Variants in TRMT61B observed in about 807,000 individuals in gnomAD.
TRMT61B encodes the protein tRNA methyltransferase 61B, also known as tRNA (adenine(58)-N(1))-methyltransferase, mitochondrial.
In TRMT61B, 56 loss-of-function variants were observed where a neutral mutation model predicts 52.0. The observed-to-expected ratio is 1.08, with a 90% CI of 0.87 to 1.35. The LOEUF is 1.35. Among genes scored for constraint, TRMT61B ranks in the 40% most tolerant of loss-of-function variants. The probability of loss-of-function intolerance (pLI) is 0.00; values close to 1 mark genes in which losing one functional copy is unlikely to be tolerated. For synonymous variants in TRMT61B, 206 were observed against 220.0 expected (o/e 0.94, Z 0.56); for missense variants, 650 against 577.9 (o/e 1.12, Z -1.28).
intron 3 of TRMT61B, among the ~76,000 whole-genome samples, chr2:28,855,948 G>A (rs544122779): frequency 6.6e-6 from 1 of 152,228 alleles, no homozygotes; most frequent in African/African-American, 2.4e-5. Context: ...TCCAGCCTGG[G>A]CAACAGAGTG....
chr2:28,861,023 A>C, intron 3 of TRMT61B, 95 bp downstream of exon 3: 1 of 1,049,562 alleles, frequency 9.5e-7, no homozygotes, highest in South Asian at 1.9e-5. Context: ...GACATGAAGC[A>C]AACGAAGGAA....
chr2:28,857,790 T>C (rs1669410224), intron 3 of TRMT61B, among the ~76,000 whole-genome samples: 1 of 152,202 alleles, frequency 6.6e-6, no homozygotes, highest in South Asian at 2.1e-4. Context: ...GAAAGAGTCA[T>C]TGTCCTGAAG....
chr2:28,861,540 G>A (rs934895727), intron 2 of TRMT61B: 47 of 463,170 alleles, frequency 1.0e-4, no homozygotes, highest in Non-Finnish European at 1.6e-4. Flanking sequence ...ATACAAGCAT[G>A]CCAAGTATCT....
chr2:28,850,370 G>A lies in TRMT61B; in HGVS notation c.1348C>T (p.Pro450Ser), dbSNP rs267599332. 2 of 1,609,896 alleles carry A rather than the reference G, an allele frequency of 1.2e-6. No homozygotes were observed. Among genetic ancestry groups the A allele is most frequent in the Non-Finnish European group, 1.7e-6 (2 of 1,178,046 alleles). ...SHSDFPYGSFPYVARPVHWQP... is the reference protein window; with the variant it reads ...SHSDFPYGSFSYVARPVHWQP... Reference sequence around the variant, plus strand: ...CAGTGTACTGGTCTAGCAACATAGGGAAATGATCCATATGGAAAATCAGAA... The same window carrying A: ...CAGTGTACTGGTCTAGCAACATAGGAAAATGATCCATATGGAAAATCAGAA... The change falls in exon 6 of 7, where the codon CCC becomes TCC. Residue 450 changes from proline (P) to serine (S), a missense_variant. Transcript: ENST00000306108.
intron 1 of TRMT61B, among the ~76,000 whole-genome samples, chr2:28,866,952 T>C (rs938851347): frequency 2.0e-5 from 3 of 151,610 alleles, no homozygotes; most frequent in African/African-American, 4.8e-5. Context: ...TGTACCACCA[T>C]GCCCAACTAA....
intron 3 of TRMT61B, among the ~76,000 whole-genome samples, chr2:28,853,086 A>C (rs1371984483): frequency 6.6e-6 from 1 of 152,238 alleles, no homozygotes; most frequent in East Asian, 1.9e-4. Context: ...TAACCAAAGA[A>C]AGATTCCTGT....
chr2:28,851,810 C>T (rs752289986), intron 4 of TRMT61B, among the ~76,000 whole-genome samples: 4 of 121,928 alleles, frequency 3.3e-5, no homozygotes, highest in Middle Eastern at 6.1e-3. Flanking sequence ...ACCCAGGAGG[C>T]GGAGGTTGCA....
chr2:28,862,958 T>A (rs1002245164), intron 2 of TRMT61B, among the ~76,000 whole-genome samples: 1 of 151,762 alleles, frequency 6.6e-6, no homozygotes, highest in East Asian at 1.9e-4. Flanking sequence ...AGAGGAGTAC[T>A]ACATTTTAAC....
chr2:28,860,127 C>T (rs967616970), intron 3 of TRMT61B, among the ~76,000 whole-genome samples: 1 of 151,492 alleles, frequency 6.6e-6, no homozygotes, highest in African/African-American at 2.4e-5. Context: ...CAAAAATTAG[C>T]TGGCCATGGT....
At chr2:28,856,633 TAATTA>T (rs1287550280) in intron 3 of TRMT61B, among the ~76,000 whole-genome samples, 2 of 152,058 alleles carry the variant, frequency 1.3e-5, no homozygotes, top group African/African-American at 4.8e-5. Context: ...TTATCTTATT[TAATTA>T]AATTTTTTTT....
intron 3 of TRMT61B, 89 bp from the exon 4 acceptor site, chr2:28,852,588 GGA>G: frequency 1.2e-6 from 1 of 809,874 alleles, no homozygotes; most frequent in East Asian, 2.6e-5. Flanking sequence ...ACACACTTTT[GGA>G]CAGCAATCAA....
At chr2:28,858,903 G>GT (rs202165032) in intron 3 of TRMT61B, among the ~76,000 whole-genome samples, 2,989 of 145,918 alleles carry the variant, frequency 0.02, 35 homozygotes, top group East Asian at 0.065. Flanking sequence ...TTTCTTTTCT[G>GT]TTTTTTTTGA....
intron 3 of TRMT61B, among the ~76,000 whole-genome samples, chr2:28,855,098 C>T (rs1397561431): frequency 6.6e-6 from 1 of 152,102 alleles, no homozygotes; most frequent in African/African-American, 2.4e-5. Context: ...ATATTTAATA[C>T]AAACACTCAG....
rs1285119853 is a variant in TRMT61B at position 28,861,209 on chromosome 2, C to T, written c.902G>A (p.Ser301Asn). The T allele has an allele frequency of 6.2e-7, 1 of 1,613,846 alleles. No individual in the cohort carries two copies. Among genetic ancestry groups the T allele is most frequent in the Middle Eastern group, 1.6e-4 (1 of 6,082 alleles). The change falls in exon 3 of 7, where the codon AGT (serine) becomes AAT (asparagine). Residue 301 changes from serine to asparagine, a missense_variant. Physicochemically the swap from Ser to Asn is conservative, Grantham distance 46. Transcript: ENST00000306108. Reference sequence around the variant, plus strand: ...ATTGTCTGGCCACTCTTCTACATGACTTAATTTCCATGAATCACGCCAGTG... The same window carrying T: ...ATTGTCTGGCCACTCTTCTACATGATTTAATTTCCATGAATCACGCCAGTG... ...YKHWRDSWKL[S>N]HVEEWPDNVD...
At chr2:28,865,827 C>T (rs886215407) in intron 1 of TRMT61B, among the ~76,000 whole-genome samples, 3 of 150,654 alleles carry the variant, frequency 2.0e-5, no homozygotes, top group Non-Finnish European at 3.0e-5. Context: ...ATTACAGGTG[C>T]CTGCCACCAT....
intron 2 of TRMT61B, among the ~76,000 whole-genome samples, chr2:28,864,384 A>T (rs1386169792): frequency 1.3e-5 from 2 of 152,068 alleles, no homozygotes; most frequent in East Asian, 1.9e-4. Flanking sequence ...TAAAATAGGT[A>T]AATTGTGATT....
At chr2:28,861,343 TA>T (rs1669591654) in intron 2 of TRMT61B, 35 bp from the exon 3 acceptor site, 4 of 1,477,604 alleles carry the variant, frequency 2.7e-6, no homozygotes, top group Non-Finnish European at 2.7e-6. Flanking sequence ...TTCATAATAT[TA>T]ATCAGTTTAT....
At position 28,861,246 on chromosome 2, in the gene TRMT61B, T is replaced by G; in HGVS notation, c.865A>C (p.Lys289Gln). ...VRKDHHDLAKKNYKHWRDSWK... is the reference protein window; with the variant it reads ...VRKDHHDLAKQNYKHWRDSWK... ...GAATCACGCCAGTGTTTGTAATTCT[T>G]CTTAGCCAGATCATGGTGGTCTTTT... is the stretch of plus-strand genomic sequence containing the variant. Residue 289 changes from lysine to glutamine, a missense_variant, in exon 3 of 7, where the codon AAG becomes CAG. Coordinates refer to ENST00000306108, the MANE Select transcript of TRMT61B (RefSeq NM_017910.4). The G allele has an allele frequency of 6.2e-7, 1 of 1,613,426 alleles. No individual in the cohort carries two copies. The highest frequency in any genetic ancestry group is 8.5e-7 in the Non-Finnish European group (1 of 1,179,818).
At chr2:28,862,306 C>A (rs1292987039) in intron 2 of TRMT61B, among the ~76,000 whole-genome samples, 149 of 143,250 alleles carry the variant, frequency 1.0e-3, no homozygotes, top group Middle Eastern at 3.6e-3. Flanking sequence ...TAAAGTTTAT[C>A]ATTTTTAATG....
Sources: allele counts gnomAD v4.1 joint callset (sites outside exome capture counted in the v4.1 genomes callset), GRCh38; gene constraint gnomAD v4.1.1; transcripts MANE v1.5; gene names NCBI Gene and HGNC (gene_info 2026-07-23, HGNC 2026-07-21).